RIMS2: variants seen among roughly 807,000 people sequenced by gnomAD.
RIMS2 encodes regulating synaptic membrane exocytosis 2.
A neutral mutation model predicts 174.4 loss-of-function variants in RIMS2; 59 were observed. The ratio of observed to expected loss-of-function variants is 0.34; its 90% CI spans 0.27 to 0.42. The LOEUF is 0.42. Among genes scored for constraint, RIMS2 ranks in the 10% least tolerant of loss-of-function variants. RIMS2 has a pLI of 1.00. For missense variants in RIMS2, 1,620 were observed against 1,666.3 expected (o/e 0.97, Z 0.48); for synonymous variants, 606 against 572.5 (o/e 1.06, Z -0.84).
chr8:103,902,086 G>C (rs1435500165), intron 4 of RIMS2, among the ~76,000 whole-genome samples: 1 of 152,140 alleles, frequency 6.6e-6, no homozygotes, highest in Non-Finnish European at 1.5e-5. Flanking sequence ...TTGATGCAGG[G>C]AAGAATCTGA....
intron 20 of RIMS2, among the ~76,000 whole-genome samples, chr8:104,247,830 G>A (rs1000534153): frequency 1.3e-5 from 2 of 152,196 alleles, no homozygotes; most frequent in African/African-American, 4.8e-5. Flanking sequence ...AGAGATCCAA[G>A]CTGGAGATGC....
chr8:103,862,838 C>T lies in RIMS2; in HGVS notation c.699-22460C>T, dbSNP rs538921208. Among the ~76,000 whole-genome samples the T allele has an allele frequency of 2.8e-4, 43 of 152,144 alleles. No homozygotes were observed. In the South Asian group the frequency reaches 8.9e-3, roughly 32 times the overall value. ...GTTGATTTTGCATCCTGAAACTTTA[C>T]TGAAGTTATTTATTAAGTCTAGGAA... On this transcript the variant is annotated intron_variant, in intron 3 of 23. Transcript: ENST00000504942.
chr8:103,632,731 A>ATT (rs61579273), intron 1 of RIMS2, among the ~76,000 whole-genome samples: 5,334 of 70,354 alleles, frequency 0.076, 532 homozygotes, highest in African/African-American at 0.1. Flanking sequence ...ATATTTATTG[A>ATT]TTTTTTTTTT....
At chr8:104,064,652 A>C (rs2097071290) in intron 19 of RIMS2, among the ~76,000 whole-genome samples, 1 of 152,070 alleles carries the variant, frequency 6.6e-6, no homozygotes, top group Non-Finnish European at 1.5e-5. Flanking sequence ...TTTATGAAAC[A>C]AATTATATTT....
chr8:103,602,233 C>A (rs565067687), intron 1 of RIMS2, among the ~76,000 whole-genome samples: 1 of 152,064 alleles, frequency 6.6e-6, no homozygotes, highest in Non-Finnish European at 1.5e-5. Flanking sequence ...ATGATCCGCC[C>A]GCCTCGGCCT....
At chr8:103,856,061 G>A (rs1410561656) in intron 3 of RIMS2, among the ~76,000 whole-genome samples, 2 of 152,058 alleles carry the variant, frequency 1.3e-5, no homozygotes, top group Admixed American at 6.6e-5. Flanking sequence ...GATGTTGCAT[G>A]CATATGTATT....
chr8:103,671,127 G>T (rs1298023583), intron 1 of RIMS2, among the ~76,000 whole-genome samples: 1 of 152,126 alleles, frequency 6.6e-6, no homozygotes, highest in Admixed American at 6.5e-5. Context: ...CCATGCAAAA[G>T]TGTTTCCCCT....
chr8:103,688,661 G>A (rs2096972597), intron 1 of RIMS2, among the ~76,000 whole-genome samples: 1 of 151,774 alleles, frequency 6.6e-6, no homozygotes, highest in Admixed American at 6.6e-5. Flanking sequence ...CAGTTTTTTG[G>A]AAGAGTTTGA....
intron 1 of RIMS2, among the ~76,000 whole-genome samples, chr8:103,585,930 AG>A (rs1304887622): frequency 1.3e-5 from 2 of 149,866 alleles, no homozygotes; most frequent in African/African-American, 4.9e-5. Context: ...AAAAAAAAAA[AG>A]AGCAGGAGTC....
At chr8:103,530,055 T>C (rs1404604822) in intron 1 of RIMS2, among the ~76,000 whole-genome samples, 2 of 152,078 alleles carry the variant, frequency 1.3e-5, no homozygotes, top group Non-Finnish European at 2.9e-5. Flanking sequence ...AGATGGAAAT[T>C]AGTGTTGGGT....
chr8:104,041,114 G>A (rs558745721), intron 19 of RIMS2, among the ~76,000 whole-genome samples: 7 of 151,662 alleles, frequency 4.6e-5, no homozygotes, highest in African/African-American at 9.6e-5. Context: ...TTCTGAATCC[G>A]CTAACCTATA....
intron 3 of RIMS2, among the ~76,000 whole-genome samples, chr8:103,825,464 T>TG: frequency 6.7e-6 from 1 of 150,064 alleles, no homozygotes; most frequent in African/African-American, 2.5e-5. Context: ...TTTTTTTTTT[T>TG]GTTAGAGATG....
intron 3 of RIMS2, among the ~76,000 whole-genome samples, chr8:103,875,548 T>A (rs1426749526): frequency 6.6e-6 from 1 of 152,090 alleles, no homozygotes; most frequent in Non-Finnish European, 1.5e-5. Flanking sequence ...ATCTTTGCCA[T>A]CGTAAATTGT....
At chr8:104,178,267 T>C (rs2098917345) in intron 19 of RIMS2, among the ~76,000 whole-genome samples, 1 of 152,102 alleles carries the variant, frequency 6.6e-6, no homozygotes, top group Non-Finnish European at 1.5e-5. Context: ...TTCCATTACA[T>C]GTGGCTGTGG....
chr8:103,986,817 G>A (rs1247346762), intron 16 of RIMS2, among the ~76,000 whole-genome samples: 1 of 151,180 alleles, frequency 6.6e-6, no homozygotes, highest in Non-Finnish European at 1.5e-5. Context: ...AGGTTGCAGT[G>A]AGCCGAGATC....
chr8:104,084,923 T>C (rs2097509456), intron 19 of RIMS2, among the ~76,000 whole-genome samples: 1 of 152,218 alleles, frequency 6.6e-6, no homozygotes, highest in Non-Finnish European at 1.5e-5. Flanking sequence ...TACACACCCA[T>C]ATCTTTCAGC....
rs148857242 is a variant in RIMS2 at position 103,640,535 on chromosome 8, C to T, written c.177-56551C>T. Among the ~76,000 whole-genome samples, 935 of 152,090 alleles carry T rather than the reference C, an allele frequency of 6.1e-3. 12 individuals carry two copies. The highest frequency in any genetic ancestry group is 0.021 in the African/African-American group (886 of 41,532). ...TTTCATCTAAGCACTGGTTTAGCTG[C>T]ATCTCACAAGTTTTGATAGGTTGTA... is the stretch of plus-strand genomic sequence containing the variant. On this transcript the variant is annotated intron_variant, in intron 1 of 23. Transcript: ENST00000504942.
intron 19 of RIMS2, among the ~76,000 whole-genome samples, chr8:104,156,145 A>G (rs1329551838): frequency 1.3e-5 from 2 of 152,212 alleles, no homozygotes; most frequent in South Asian, 4.1e-4. Flanking sequence ...ACTTAATACA[A>G]AAGTTCATTT....
intron 19 of RIMS2, among the ~76,000 whole-genome samples, chr8:104,061,853 C>T (rs2154560465): frequency 6.6e-6 from 1 of 151,904 alleles, no homozygotes; most frequent in South Asian, 2.1e-4. Context: ...AAGGTGTTTA[C>T]AATTATCAAA....
Sources: allele counts gnomAD v4.1 joint callset (sites outside exome capture counted in the v4.1 genomes callset), GRCh38; gene constraint gnomAD v4.1.1; transcripts MANE v1.5; gene names NCBI Gene and HGNC (gene_info 2026-07-23, HGNC 2026-07-21).